Variants in NPAS3 observed in about 807,000 individuals in gnomAD.
The protein encoded by NPAS3 is neuronal PAS domain protein 3, also known as neuronal PAS domain-containing protein 3.
In NPAS3, 14 loss-of-function variants were observed where a neutral mutation model predicts 73.1. The observed-to-expected ratio is 0.19, with a 90% CI of 0.13 to 0.30. NPAS3 has a LOEUF of 0.30. NPAS3 is among the 10% of genes least tolerant of loss of function. The pLI, the probability that NPAS3 is intolerant of heterozygous loss-of-function variation, is 1.00. For synonymous variants in NPAS3, 620 were observed against 541.5 expected, an observed-to-expected ratio of 1.14 and a Z score of -2.01; for missense variants, 1,096 against 1,250.0, an observed-to-expected ratio of 0.88 and a Z score of 1.86.
At chr14:33,180,470 G>A (rs2045750754) in intron 2 of NPAS3, among the ~76,000 whole-genome samples, 1 of 152,094 alleles carries the variant, frequency 6.6e-6, no homozygotes, top group South Asian at 2.1e-4. Context: ...TGTTCTTAAT[G>A]TTGCAAATAA....
At chr14:33,465,627 T>G (rs2050472449) in intron 4 of NPAS3, among the ~76,000 whole-genome samples, 3 of 152,186 alleles carry the variant, frequency 2.0e-5, no homozygotes, top group Admixed American at 2.0e-4. Flanking sequence ...CTAGAAAAGC[T>G]ACATGTGACC....
At chr14:33,545,391 T>C (rs750631943) in intron 4 of NPAS3, among the ~76,000 whole-genome samples, 22 of 152,198 alleles carry the variant, frequency 1.4e-4, no homozygotes, top group Non-Finnish European at 3.2e-4. Flanking sequence ...ATTTATTATA[T>C]ACCTGCTGTA....
intron 6 of NPAS3, among the ~76,000 whole-genome samples, chr14:33,702,568 T>C (rs565528558): frequency 5.4e-4 from 83 of 152,360 alleles, no homozygotes; most frequent in African/African-American, 2.0e-3. Context: ...ACCTGTTTCA[T>C]GGTCGACATG....
intron 2 of NPAS3, among the ~76,000 whole-genome samples, chr14:33,211,329 C>A (rs1433389948): frequency 6.6e-6 from 1 of 152,216 alleles, no homozygotes; most frequent in African/African-American, 2.4e-5. Context: ...GTCAGTAATT[C>A]TAGCAATTTG....
intron 4 of NPAS3, among the ~76,000 whole-genome samples, chr14:33,373,915 G>A (rs1001617068): frequency 5.3e-5 from 8 of 152,124 alleles, no homozygotes; most frequent in Admixed American, 4.6e-4. Context: ...GGCTAGGTAC[G>A]ATGGTTGTAT....
intron 2 of NPAS3, among the ~76,000 whole-genome samples, chr14:33,196,812 T>C (rs12437038): frequency 0.21 from 32,235 of 152,138 alleles, 3,875 homozygotes; most frequent in South Asian, 0.38. Context: ...CTTTGTTAAA[T>C]GAGTCAAATG....
chr14:32,946,821 T>G (rs890570803), intron 1 of NPAS3, among the ~76,000 whole-genome samples: 2 of 152,154 alleles, frequency 1.3e-5, no homozygotes, highest in Non-Finnish European at 2.9e-5. Context: ...ACTGAAATAT[T>G]GAAGATAAAA....
chr14:33,147,730 A>AAAAAT (rs372663411), intron 2 of NPAS3, among the ~76,000 whole-genome samples: 81 of 130,364 alleles, frequency 6.2e-4, no homozygotes, highest in African/African-American at 2.4e-3. Flanking sequence ...TAGAATAAAA[A>AAAAAT]ATATATATAT....
rs1276549335 is a variant in NPAS3, at chr14:33,563,535, C to CAGAGAGAGAGAGAGAGAGAGAG, written c.558+3326_558+3327insGAGAGAGAGAGAGAGAGAGAGA. Reference sequence around the variant, plus strand: ...ACATACATACACACACACACACACACACAGAGAGAGAGAGAGAGAGAGAGA... The same window carrying CAGAGAGAGAGAGAGAGAGAGAG: ...ACATACATACACACACACACACACACAGAGAGAGAGAGAGAGAGAGAGACAGAGAGAGAGAGAGAGAGAGAGA... On this transcript the variant is annotated intron_variant, in intron 5 of 11. Coordinates refer to ENST00000356141, the Ensembl canonical transcript of NPAS3. 6.5e-5 allele frequency among the ~76,000 whole-genome samples: 7 copies of CAGAGAGAGAGAGAGAGAGAGAG among 108,068 alleles called. No individual in the cohort carries two copies. In the East Asian group the frequency reaches 1.6e-3, roughly 24 times the overall value. 70.9% of individuals were successfully genotyped at this position (108,068 alleles called of 152,430 possible).
chr14:33,422,475 C>T (rs1454663787), intron 4 of NPAS3, among the ~76,000 whole-genome samples: 1 of 151,806 alleles, frequency 6.6e-6, no homozygotes, highest in African/African-American at 2.4e-5. Context: ...ATATTTCTTC[C>T]TTACCAATTA....
At chr14:33,461,668 C>T (rs1566924287) in intron 4 of NPAS3, among the ~76,000 whole-genome samples, 2 of 152,180 alleles carry the variant, frequency 1.3e-5, no homozygotes, top group African/African-American at 4.8e-5. Context: ...CGGTAACTGA[C>T]AAAAGCAGGT....
At chr14:33,363,884 A>G (rs2045715294) in intron 3 of NPAS3, among the ~76,000 whole-genome samples, 1 of 151,480 alleles carries the variant, frequency 6.6e-6, no homozygotes, top group South Asian at 2.1e-4. Context: ...ATCTTCACAG[A>G]CAAGTGGTTG....
intron 2 of NPAS3, among the ~76,000 whole-genome samples, chr14:33,183,419 CTGTTTTTTTTTTTTTTTTTTTT>C (rs886925033): frequency 4.7e-5 from 4 of 84,354 alleles, no homozygotes; most frequent in Admixed American, 1.9e-4. Flanking sequence ...GAGTGAGACT[CTGTTTTTTTTTTTTTTTTTTTT>C]TTTTTTTTTT....
intron 6 of NPAS3, 62 bp downstream of exon 6, chr14:33,676,447 C>T (rs2059769912): frequency 4.3e-6 from 6 of 1,405,130 alleles, no homozygotes; most frequent in Non-Finnish European, 5.7e-6. Flanking sequence ...TGAGTGTGCT[C>T]AAGTTACCCA....
At chr14:33,483,511 G>T (rs2051431881) in intron 4 of NPAS3, among the ~76,000 whole-genome samples, 1 of 152,106 alleles carries the variant, frequency 6.6e-6, no homozygotes, top group Admixed American at 6.6e-5. Flanking sequence ...CTTGGACCTG[G>T]GTTTTCATTC....
At chr14:33,555,338 A>G (rs1362597735) in intron 4 of NPAS3, among the ~76,000 whole-genome samples, 1 of 152,186 alleles carries the variant, frequency 6.6e-6, no homozygotes, top group East Asian at 1.9e-4. Context: ...TTTCATCTTA[A>G]TCCAACCTTA....
chr14:33,555,373 A>G (rs1343903790), intron 4 of NPAS3, among the ~76,000 whole-genome samples: 2 of 152,190 alleles, frequency 1.3e-5, no homozygotes, highest in South Asian at 2.1e-4. Context: ...AATTCTACAT[A>G]GTGAGTAAGA....
chr14:33,232,169 T>C (rs987784751), intron 3 of NPAS3, among the ~76,000 whole-genome samples: 2 of 152,150 alleles, frequency 1.3e-5, no homozygotes, highest in African/African-American at 4.8e-5. Flanking sequence ...TTGTTTTTGT[T>C]AGCTTGTGAG....
chr14:33,423,797 T>G (rs556524671), intron 4 of NPAS3, among the ~76,000 whole-genome samples: 2 of 152,056 alleles, frequency 1.3e-5, no homozygotes, highest in Non-Finnish European at 2.9e-5. Context: ...GCAAAGTACA[T>G]TAACTTAGAT....
Sources: allele counts gnomAD v4.1 joint callset (sites outside exome capture counted in the v4.1 genomes callset), GRCh38; gene constraint gnomAD v4.1.1; transcripts MANE v1.5; gene names NCBI Gene and HGNC (gene_info 2026-07-23, HGNC 2026-07-21).